The following MGAT4C variants were observed in gnomAD, a reference collection of about 807,000 sequenced individuals.
MGAT4C encodes the protein alpha-1,3-mannosyl-glycoprotein 4-beta-N-acetylglucosaminyltransferase C.
Under a neutral mutation model 40.1 loss-of-function variants are expected in MGAT4C, and 19 were observed. That is an observed-to-expected ratio of 0.47 (90% CI 0.33 to 0.70). The LOEUF is 0.70. Among genes scored for constraint, MGAT4C ranks in the 30% least tolerant of loss-of-function variants. The pLI is 0.02. For missense variants in MGAT4C, 491 were observed against 563.2 expected (o/e 0.87, Z 1.30); for synonymous variants, 181 against 187.1 (o/e 0.97, Z 0.27).
intron 2 of MGAT4C, among the ~76,000 whole-genome samples, chr12:86,664,170 A>G (rs1324983249): frequency 1.3e-5 from 2 of 151,158 alleles, no homozygotes; most frequent in African/African-American, 4.9e-5. Flanking sequence ...CTACTTCTAC[A>G]CTGCTACTCA....
At chr12:86,024,446 T>C (rs1364205211) in intron 2 of MGAT4C, among the ~76,000 whole-genome samples, 1 of 151,826 alleles carries the variant, frequency 6.6e-6, no homozygotes, top group Non-Finnish European at 1.5e-5. Flanking sequence ...AAAATTGTCT[T>C]CTAAGCCTAA....
At chr12:86,708,320 G>C (rs1327807198) in intron 2 of MGAT4C, among the ~76,000 whole-genome samples, 1 of 152,230 alleles carries the variant, frequency 6.6e-6, no homozygotes, top group African/African-American at 2.4e-5. Context: ...CAGAAGTCAA[G>C]AATTGGGATT....
rs1883866261 is a variant in MGAT4C, at chr12:85,974,955, T to A, written c.*4334A>T. 1 of 150,384 alleles carries A rather than the reference T, an allele frequency of 6.6e-6. No individual in the cohort carries two copies. Among genetic ancestry groups the A allele is most frequent in the Non-Finnish European group, 1.5e-5 (1 of 66,870 alleles). The allele number at this position is 150,384 out of a possible 1,614,324, so 9.3% of individuals were successfully genotyped here. A position where few individuals can be genotyped will look rare whatever the true frequency, so the allele number is the denominator to read the frequency against. On this transcript the variant is annotated 3_prime_UTR_variant, in exon 5 of 5. Transcript: ENST00000611864. ...ACATTAAAAAAAAAAAGTAAAAAGATTCTGAAGACTGCATTTCTGAGCTTA... is the reference window on the plus strand; with the variant it reads ...ACATTAAAAAAAAAAAGTAAAAAGAATCTGAAGACTGCATTTCTGAGCTTA...
chr12:86,716,760 T>C (rs972919771), intron 2 of MGAT4C, among the ~76,000 whole-genome samples: 1 of 152,088 alleles, frequency 6.6e-6, no homozygotes, highest in Non-Finnish European at 1.5e-5. Flanking sequence ...AATAGGGAGA[T>C]GCCAGTTACC....
chr12:86,019,882 A>C (rs1889500054), intron 2 of MGAT4C, among the ~76,000 whole-genome samples: 1 of 152,060 alleles, frequency 6.6e-6, no homozygotes, highest in Non-Finnish European at 1.5e-5. Context: ...AGTGGTTTGT[A>C]GTTCTCCTTG....
At chr12:86,308,263 T>G (rs1953989305) in intron 4 of MGAT4C, among the ~76,000 whole-genome samples, 1 of 150,620 alleles carries the variant, frequency 6.6e-6, no homozygotes, top group Admixed American at 6.6e-5. Flanking sequence ...ATTTTGTTCC[T>G]TTAGAAAAGA....
intron 2 of MGAT4C, among the ~76,000 whole-genome samples, chr12:86,536,445 A>G (rs1959069776): frequency 6.6e-6 from 1 of 152,188 alleles, no homozygotes; most frequent in Admixed American, 6.5e-5. Flanking sequence ...ATATTTTAAG[A>G]GATATGATAA....
chr12:86,304,143 A>G (rs1953878953), intron 4 of MGAT4C, among the ~76,000 whole-genome samples: 1 of 150,724 alleles, frequency 6.6e-6, no homozygotes, highest in African/African-American at 2.5e-5. Context: ...TTCTAGAACT[A>G]TAATTAATAA....
chr12:86,833,868 C>A (rs938034676), intron 1 of MGAT4C, among the ~76,000 whole-genome samples: 1 of 151,754 alleles, frequency 6.6e-6, no homozygotes, highest in Non-Finnish European at 1.5e-5. Flanking sequence ...GCCTCCTTTA[C>A]TATTTGTCTG....
chr12:86,339,116 T>C (rs1954852629), intron 3 of MGAT4C, among the ~76,000 whole-genome samples: 1 of 152,132 alleles, frequency 6.6e-6, no homozygotes, highest in African/African-American at 2.4e-5. Context: ...TTGTTATTAT[T>C]GTTATCCCTA....
chr12:86,378,948 A>G (rs990397794), intron 3 of MGAT4C, among the ~76,000 whole-genome samples: 2 of 152,108 alleles, frequency 1.3e-5, no homozygotes, highest in African/African-American at 4.8e-5. Context: ...TAGAACCAAT[A>G]TTGGAGCTCT....
rs1251981079 is a variant in MGAT4C, at chr12:86,408,552, AT to A, written c.-120+26604del. Among the ~76,000 whole-genome samples the A allele has an allele frequency of 2.6e-5, 3 of 115,010 alleles. No individual in the cohort carries two copies. In the East Asian group the frequency reaches 7.3e-4, roughly 28 times the overall value. The allele number at this position is 115,010 out of a possible 152,430, so 75.5% of individuals were successfully genotyped here. On this transcript the variant is annotated intron_variant, in intron 3 of 7. Transcript: ENST00000548651. ...GGTACTTTTTAACTTTTCTAATTTTATTTTATATTTTTTAAATTTTATTTTT... is the reference window on the plus strand; with the variant it reads ...GGTACTTTTTAACTTTTCTAATTTTATTTATATTTTTTAAATTTTATTTTT...
intron 1 of MGAT4C, among the ~76,000 whole-genome samples, chr12:86,795,868 G>C (rs1952106414): frequency 2.0e-5 from 3 of 151,924 alleles, no homozygotes; most frequent in African/African-American, 7.2e-5. Flanking sequence ...GCTTTCTGCA[G>C]ATCTTTTTAT....
At chr12:86,593,324 C>A (rs554161855) in intron 2 of MGAT4C, among the ~76,000 whole-genome samples, 1 of 151,966 alleles carries the variant, frequency 6.6e-6, no homozygotes, top group East Asian at 1.9e-4. Flanking sequence ...AAAGAATCAG[C>A]TTTTGGTTTC....
At chr12:86,437,566 A>T (rs1421169580) in intron 2 of MGAT4C, among the ~76,000 whole-genome samples, 1 of 151,926 alleles carries the variant, frequency 6.6e-6, no homozygotes. Context: ...ACAAGAACAC[A>T]TTGTTTTATT....
At chr12:86,219,421 G>A (rs1340137384) in intron 1 of MGAT4C, among the ~76,000 whole-genome samples, 2 of 152,130 alleles carry the variant, frequency 1.3e-5, no homozygotes, top group African/African-American at 4.8e-5. Context: ...CCATAATCCT[G>A]AGAAGACAAT....
At chr12:86,311,678 T>C (rs1954078384) in intron 4 of MGAT4C, among the ~76,000 whole-genome samples, 1 of 152,206 alleles carries the variant, frequency 6.6e-6, no homozygotes, top group Non-Finnish European at 1.5e-5. Context: ...GTGAATGTTG[T>C]CTTTAAATTA....
At position 86,798,947 on chromosome 12, in the gene MGAT4C, T is replaced by C. The variant is rs551613083; in HGVS notation, c.-262+39719A>G. Among the ~76,000 whole-genome samples, 37 of 152,008 alleles carry C rather than the reference T, an allele frequency of 2.4e-4. No homozygotes were observed. The East Asian group carries it at 7.2e-3, about 29-fold the overall frequency. ...ATAAGTTTCATTCAAGAGCAAAAGC[T>C]ACTAAACTGGGGCCACTTTATAGAA... On this transcript the variant is annotated intron_variant, in intron 1 of 7. Coordinates refer to the MGAT4C transcript ENST00000548651.
chr12:86,395,663 T>C (rs1956248039), intron 3 of MGAT4C, among the ~76,000 whole-genome samples: 1 of 152,216 alleles, frequency 6.6e-6, no homozygotes, highest in Non-Finnish European at 1.5e-5. Context: ...CAGTGGCCTT[T>C]TGAATTTACA....
Sources: allele counts gnomAD v4.1 joint callset (sites outside exome capture counted in the v4.1 genomes callset), GRCh38; gene constraint gnomAD v4.1.1; transcripts MANE v1.5; gene names NCBI Gene and HGNC (gene_info 2026-07-23, HGNC 2026-07-21).